RTN4RL1: variants seen among roughly 807,000 people sequenced by gnomAD.
The protein encoded by RTN4RL1 is reticulon 4 receptor like 1.
A neutral mutation model predicts 25.6 loss-of-function variants in RTN4RL1; 7 were observed. The observed-to-expected ratio is 0.27, with a 90% CI of 0.16 to 0.51. The LOEUF is 0.51. Ranked by LOEUF, RTN4RL1 falls within the 20% of genes least tolerant of loss-of-function variation. The pLI, the probability that RTN4RL1 is intolerant of heterozygous loss-of-function variation, is 0.97. For synonymous variants in RTN4RL1, 297 were observed against 288.2 expected (o/e 1.03, Z -0.31); for missense variants, 500 against 615.6 (o/e 0.81, Z 1.99).
rs953324491 is a variant in RTN4RL1 at position 1,936,633 on chromosome 17, G to A, written c.1189C>T (p.Arg397Trp). The A allele has an allele frequency of 6.9e-6, 11 of 1,595,086 alleles. No homozygotes were observed. Among genetic ancestry groups the A allele is most frequent in the East Asian group, 4.5e-5 (2 of 44,546 alleles). Residue 397 changes from arginine to tryptophan, a missense_variant, in exon 2 of 2, where the codon CGG (arginine) becomes TGG (tryptophan). Physicochemically the swap from Arg to Trp is moderately radical, Grantham distance 101. This residue lies in a region of RTN4RL1 where 268 missense variants were observed against 274.5 expected (regional missense o/e 0.98). Coordinates refer to ENST00000331238, the MANE Select transcript of RTN4RL1 (RefSeq NM_178568.4). ...KFSFDIMPTA[R>W]PKRKGKCARR... ...GCACACTTGCCCTTCCTCTTGGGCC[G>A]GGCCGTAGGCATGATGTCAAAACTG... is the stretch of plus-strand genomic sequence containing the variant.
At chr17:1,985,755 C>T (rs1453983604) in intron 1 of RTN4RL1, among the ~76,000 whole-genome samples, 6 of 152,232 alleles carry the variant, frequency 3.9e-5, no homozygotes, top group Admixed American at 3.9e-4. Flanking sequence ...ATGGAATCCA[C>T]CAAATGAGCC....
intron 1 of RTN4RL1, among the ~76,000 whole-genome samples, chr17:1,956,964 T>C (rs1362267627): frequency 6.6e-6 from 1 of 152,104 alleles, no homozygotes; most frequent in Non-Finnish European, 1.5e-5. Flanking sequence ...GGTCTCGAAC[T>C]CCTGACCTCA....
intron 1 of RTN4RL1, among the ~76,000 whole-genome samples, chr17:2,002,695 G>A (rs893518075): frequency 1.3e-5 from 2 of 150,796 alleles, no homozygotes; most frequent in African/African-American, 4.9e-5. Flanking sequence ...TCCTCCCCAC[G>A]CCCGTCTCTC....
chr17:2,004,725 C>G (rs568032570), intron 1 of RTN4RL1, among the ~76,000 whole-genome samples: 25 of 152,372 alleles, frequency 1.6e-4, no homozygotes, highest in Admixed American at 2.6e-4. Flanking sequence ...CCTTGGCAAA[C>G]AGGGTGGCCC....
chr17:2,003,375 T>C (rs1383330937), intron 1 of RTN4RL1: 1 of 150,502 alleles, frequency 6.6e-6, no homozygotes, highest in African/African-American at 2.5e-5. Context: ...AGAAGAGGAC[T>C]GTGGCATTTT....
intron 1 of RTN4RL1, among the ~76,000 whole-genome samples, chr17:1,940,048 C>T (rs1567847907): frequency 3.3e-5 from 5 of 152,214 alleles, no homozygotes. Context: ...CCGCTGCCTG[C>T]CCAGGCTCAC....
At chr17:1,946,654 G>A (rs1385203498) in intron 1 of RTN4RL1, among the ~76,000 whole-genome samples, 1 of 147,904 alleles carries the variant, frequency 6.8e-6, no homozygotes, top group African/African-American at 2.5e-5. Flanking sequence ...GTGTGAATAT[G>A]TGTGTGTGCA....
At chr17:2,012,688 C>G (rs1391200160) in intron 1 of RTN4RL1, among the ~76,000 whole-genome samples, 1 of 151,836 alleles carries the variant, frequency 6.6e-6, no homozygotes, top group African/African-American at 2.4e-5. Context: ...TTCTTGTGGT[C>G]CAACCTATGT....
intron 1 of RTN4RL1, among the ~76,000 whole-genome samples, chr17:1,991,456 A>C (rs1250260088): frequency 3.4e-5 from 5 of 145,234 alleles, no homozygotes; most frequent in East Asian, 2.0e-4. Context: ...TAAAAAAAAA[A>C]AAAAAAACAA....
In RTN4RL1 at chr17:1,936,069, G is replaced by A; in HGVS notation, c.*427C>T. ...AGACTGCTGGCCACCCAGCCTCGTGGGTGAGCCTCATTTGTTCTTCTCTGC... is the reference window on the plus strand; with the variant it reads ...AGACTGCTGGCCACCCAGCCTCGTGAGTGAGCCTCATTTGTTCTTCTCTGC... On this transcript the variant is annotated 3_prime_UTR_variant, in exon 2 of 2. Transcript: ENST00000331238. 2.0e-6 allele frequency: 2 copies of A among 998,602 alleles called. No homozygotes were observed. Among genetic ancestry groups the A allele is most frequent in the Non-Finnish European group, 2.4e-6 (2 of 838,490 alleles). The allele number at this position is 998,602 out of a possible 1,614,324, so 61.9% of individuals were successfully genotyped here.
chr17:1,988,788 T>C (rs2151318569), intron 1 of RTN4RL1, among the ~76,000 whole-genome samples: 1 of 151,418 alleles, frequency 6.6e-6, no homozygotes, highest in Non-Finnish European at 1.5e-5. Flanking sequence ...AGAAGAAGGG[T>C]AGGAATTGTC....
chr17:1,997,727 C>G (rs1047576118), intron 1 of RTN4RL1, among the ~76,000 whole-genome samples: 9 of 152,232 alleles, frequency 5.9e-5, no homozygotes, highest in South Asian at 2.1e-4. Context: ...GCCCCTGCCC[C>G]ACCCAGGCCT....
intron 1 of RTN4RL1, among the ~76,000 whole-genome samples, chr17:1,941,125 T>C (rs1915429813): frequency 6.6e-6 from 1 of 152,134 alleles, no homozygotes; most frequent in African/African-American, 2.4e-5. Context: ...GGAGCCCTCC[T>C]TCACCCACTG....
rs753252205 is a variant in RTN4RL1 at position 1,950,135 on chromosome 17, G to A, written c.14-12327C>T. 2.0e-5 allele frequency among the ~76,000 whole-genome samples: 3 copies of A among 152,194 alleles called. No individual in the cohort carries two copies. The South Asian group carries it at 6.2e-4, about 31-fold the overall frequency. ...GCAACAGGATTGGGTTTGGATTTGG[G>A]AGGTTGCATTTGGAGGGTGAGTTGG... On this transcript the variant is annotated intron_variant, in intron 1 of 1. Coordinates refer to ENST00000331238, the MANE Select transcript of RTN4RL1 (RefSeq NM_178568.4).
chr17:1,991,265 GT>G (rs2066907176), intron 1 of RTN4RL1, among the ~76,000 whole-genome samples: 1 of 151,960 alleles, frequency 6.6e-6, no homozygotes, highest in Non-Finnish European at 1.5e-5. Flanking sequence ...CCGGGGAAGG[GT>G]AGGCATAGGC....
At chr17:1,939,324 G>A (rs1234941736) in intron 1 of RTN4RL1, among the ~76,000 whole-genome samples, 1 of 151,958 alleles carries the variant, frequency 6.6e-6, no homozygotes, top group Non-Finnish European at 1.5e-5. Flanking sequence ...CTGCACTCCA[G>A]CCTGGGCGAC....
chr17:1,935,471 T>C lies in RTN4RL1; in HGVS notation c.*1025A>G. The C allele has an allele frequency of 3.6e-6, 3 of 844,048 alleles. No individual in the cohort carries two copies. Among genetic ancestry groups the C allele is most frequent in the Non-Finnish European group, 4.3e-6 (3 of 700,648 alleles). The allele number at this position is 844,048 out of a possible 1,614,324, so 52.3% of individuals were successfully genotyped here. On this transcript the variant is annotated 3_prime_UTR_variant, in exon 2 of 2. Coordinates refer to ENST00000331238, the MANE Select transcript of RTN4RL1 (RefSeq NM_178568.4). ...GAATATTGGTCCCCCAAAGTGACTC[T>C]TGCTGCCTCCCCCTTCCTCACCGTC... is the stretch of plus-strand genomic sequence containing the variant.
chr17:1,938,214 C>T lies in RTN4RL1; in HGVS notation c.14-406G>A, dbSNP rs143543684. ...CGCTGGTTGTTGTTATCTGTGCTCA[C>T]GGATATTGGGAAGGACTCTTGCTCT... On this transcript the variant is annotated intron_variant, in intron 1 of 1. Coordinates refer to ENST00000331238, the MANE Select transcript of RTN4RL1 (RefSeq NM_178568.4). Among the ~76,000 whole-genome samples, 215 of 152,332 alleles carry T rather than the reference C, an allele frequency of 1.4e-3. 1 individual carries two copies. Among genetic ancestry groups the T allele is most frequent in the African/African-American group, 4.8e-3 (201 of 41,562 alleles).
chr17:1,949,352 C>G (rs1915629595), intron 1 of RTN4RL1, among the ~76,000 whole-genome samples: 1 of 152,196 alleles, frequency 6.6e-6, no homozygotes, highest in African/African-American at 2.4e-5. Flanking sequence ...CCGCCTCAGC[C>G]TCCCAAAGTG....
Sources: gnomAD v4.1 joint callset for allele counts (sites outside exome capture counted in the v4.1 genomes callset) on GRCh38, gnomAD v4.1.1 for gene constraint, gnomAD v4.1.1 regional missense constraint, MANE v1.5 for transcripts, NCBI Gene and HGNC (gene_info 2026-07-23, HGNC 2026-07-21) for gene names.